The following PON1 variants were observed in gnomAD, a reference collection of about 807,000 sequenced individuals.
PON1 encodes the protein serum paraoxonase/arylesterase 1.
PON1 carries 37 observed loss-of-function variants against 39.2 expected under a neutral mutation model. The observed-to-expected ratio is 0.94, with a 90% CI of 0.73 to 1.24. The LOEUF is 1.24. Among genes scored for constraint, PON1 ranks in the 50% most tolerant of loss-of-function variants. The pLI is 0.00. For synonymous variants in PON1, 148 were observed against 152.2 expected (o/e 0.97, Z 0.21); for missense variants, 397 against 413.5 (o/e 0.96, Z 0.35).
At position 95,313,840 on chromosome 7, in the gene PON1, GA is replaced by G. The variant is rs1348464265; in HGVS notation, c.370+1481del. ...ACCCCTATTTGGGGATGTCCTCCTA[GA>G]AAGCAGGCAGTGTGACACTGGTTTG... On this transcript the variant is annotated intron_variant, in intron 4 of 8. Transcript: ENST00000222381. Among the ~76,000 whole-genome samples the G allele has an allele frequency of 2.6e-5, 4 of 152,234 alleles. No individual in the cohort carries two copies. In the East Asian group the frequency reaches 7.7e-4, roughly 29 times the overall value.
At chr7:95,314,815 CA>C (rs1167564072) in intron 4 of PON1, among the ~76,000 whole-genome samples, 1 of 151,996 alleles carries the variant, frequency 6.6e-6, no homozygotes, top group African/African-American at 2.4e-5. Flanking sequence ...AGGATGACAC[CA>C]AGTTATGTTG....
intron 8 of PON1, 106 bp from the exon 9 acceptor site, chr7:95,299,208 G>A: frequency 1.7e-6 from 2 of 1,208,202 alleles, no homozygotes; most frequent in Non-Finnish European, 2.4e-6. Context: ...CTTATACAAT[G>A]AGATAAATCC....
chr7:95,308,920 T>G (rs1807599243), intron 5 of PON1, among the ~76,000 whole-genome samples: 1 of 152,090 alleles, frequency 6.6e-6, no homozygotes, highest in South Asian at 2.1e-4. Context: ...GTAAGATATA[T>G]GAGTCTATTT....
In PON1 at chr7:95,318,307, C is replaced by A; in HGVS notation, c.145+16G>T. On this transcript the variant is annotated intron_variant, in intron 2 of 8. Coordinates refer to ENST00000222381, the MANE Select transcript of PON1 (RefSeq NM_000446.7). The stretch of plus-strand genomic sequence containing the variant: ...CGGAAGTTCAAATGAGACCCTTCTT[C>A]CTCTCACATACATACCGATTCCTTT... 1 of 1,582,354 alleles carries A rather than the reference C, an allele frequency of 6.3e-7. No homozygotes were observed. Among genetic ancestry groups the A allele is most frequent in the Non-Finnish European group, 8.7e-7 (1 of 1,151,254 alleles).
In PON1 at chr7:95,310,539, G is replaced by A. The variant is rs543403048; in HGVS notation, c.497+912C>T. Among the ~76,000 whole-genome samples the A allele has an allele frequency of 1.1e-3, 173 of 152,300 alleles. 1 individual carries two copies. Among genetic ancestry groups the A allele is most frequent in the Admixed American group, 2.2e-3 (33 of 15,296 alleles). On this transcript the variant is annotated intron_variant, in intron 5 of 8. Transcript: ENST00000222381. ...AGCTGGGGTTCCTACTTGGCCACTAGTGAGTTGATTGGCCTTCATCCAGTA... is the reference window on the plus strand; with the variant it reads ...AGCTGGGGTTCCTACTTGGCCACTAATGAGTTGATTGGCCTTCATCCAGTA...
intron 1 of PON1, among the ~76,000 whole-genome samples, chr7:95,321,078 T>C (rs942219286): frequency 2.0e-5 from 3 of 152,202 alleles, no homozygotes; most frequent in Admixed American, 6.5e-5. Context: ...AAGCCAGTAC[T>C]CACAGAGATC....
Position 95,315,345 on chromosome 7 carries a change from C to G in PON1, c.347G>C (p.Gly116Ala). Residue 116 changes from glycine (G) to alanine (A), a missense_variant, in exon 4 of 9, where the codon GGG (glycine) becomes GCG (alanine). Coordinates refer to ENST00000222381, the MANE Select transcript of PON1 (RefSeq NM_000446.7). Reference protein sequence around the residue: ...KFDVSSFNPHGISTFTDEDNA... With the variant: ...KFDVSSFNPHAISTFTDEDNA... ...ACCTTCATCTGTGAATGTGCTAATC[C>G]CATGAGGGTTAAATGAAGATACATC... 3 of 1,613,350 alleles carry G rather than the reference C, an allele frequency of 1.9e-6. No homozygotes were observed. The highest frequency in any genetic ancestry group is 1.7e-4 in the Middle Eastern group (1 of 6,046).
At position 95,298,818 on chromosome 7, in the gene PON1, A is replaced by G. The variant is rs551285779; in HGVS notation, c.*126T>C. 2.1e-5 allele frequency: 25 copies of G among 1,176,366 alleles called. No individual in the cohort carries two copies. Among genetic ancestry groups the G allele is most frequent in the Admixed American group, 7.3e-5 (4 of 54,450 alleles). 72.9% of individuals were successfully genotyped at this position (1,176,366 alleles called of 1,614,324 possible). On this transcript the variant is annotated 3_prime_UTR_variant, in exon 9 of 9. Coordinates refer to ENST00000222381, the MANE Select transcript of PON1 (RefSeq NM_000446.7). The stretch of plus-strand genomic sequence containing the variant: ...TCACTCCCAGTTAAACAGTGCTTTG[A>G]TGCTTCATGATGTCCACATTTAGGG...
chr7:95,306,715 G>A (rs1164286819), intron 6 of PON1, among the ~76,000 whole-genome samples: 1 of 152,188 alleles, frequency 6.6e-6, no homozygotes, highest in Non-Finnish European at 1.5e-5. Context: ...TCAGGGGCTA[G>A]TGAGTTCTCT....
intron 4 of PON1, among the ~76,000 whole-genome samples, 161 bp downstream of exon 4, chr7:95,315,161 A>G (rs1460697624): frequency 6.6e-6 from 1 of 152,242 alleles, no homozygotes; most frequent in Admixed American, 6.5e-5. Context: ...GTTTTACTAT[A>G]AAGTTCAATT....
At chr7:95,317,910 G>A (rs952172004) in intron 2 of PON1, among the ~76,000 whole-genome samples, 5 of 152,084 alleles carry the variant, frequency 3.3e-5, no homozygotes, top group Non-Finnish European at 7.4e-5. Flanking sequence ...AATATCAAAA[G>A]AGAGATGCAT....
chr7:95,315,126 T>G (rs1807736169), intron 4 of PON1, among the ~76,000 whole-genome samples, 196 bp downstream of exon 4: 1 of 152,226 alleles, frequency 6.6e-6, no homozygotes, highest in Non-Finnish European at 1.5e-5. Flanking sequence ...TCTTAAATAT[T>G]TTAGCATTCT....
rs922889885 is a variant in PON1, at chr7:95,306,512, G to A, written c.699-146C>T. ...ACCTCAAACACACCAAATTCTGAAA[G>A]AACTCAGTGAGTTTACAGTGACAGA... On this transcript the variant is annotated intron_variant, in intron 6 of 8. Coordinates refer to ENST00000222381, the MANE Select transcript of PON1 (RefSeq NM_000446.7). 2.2e-5 allele frequency: 15 copies of A among 691,986 alleles called. No homozygotes were observed. The African/African-American group carries it at 2.3e-4, about 11-fold the overall frequency. The allele number at this position is 691,986 out of a possible 1,614,324, so 42.9% of individuals were successfully genotyped here. A position where few individuals can be genotyped will look rare whatever the true frequency, so the allele number is the denominator to read the frequency against.
At chr7:95,313,781 G>A (rs900019492) in intron 4 of PON1, among the ~76,000 whole-genome samples, 1 of 152,086 alleles carries the variant, frequency 6.6e-6, no homozygotes, top group East Asian at 1.9e-4. Flanking sequence ...GGCATTAAAA[G>A]TGAAGGGCTA....
Position 95,318,397 on chromosome 7 carries a change from TGG to T in PON1, c.75-6_75-5del. On this transcript the variant is annotated splice_region_variant and splice_polypyrimidine_tract_variant and intron_variant, in intron 1 of 8. Transcript: ENST00000222381. The stretch of plus-strand genomic sequence containing the variant: ...TCGGAGAGCATTAAGTCGTGTTCTG[TGG>T]GGGAGAAAGAAATAAAACACACACA... 6.2e-7 allele frequency: 1 copy of T among 1,602,374 alleles called. No homozygotes were observed. The highest frequency in any genetic ancestry group is 8.6e-7 in the Non-Finnish European group (1 of 1,169,518).
intron 6 of PON1, among the ~76,000 whole-genome samples, chr7:95,307,169 T>G (rs1232204701): frequency 6.6e-6 from 1 of 151,804 alleles, no homozygotes; most frequent in African/African-American, 2.4e-5. Flanking sequence ...CAAGCAATTC[T>G]CCTGCCTGGC....
At chr7:95,311,183 A>AT (rs549477724) in intron 5 of PON1, among the ~76,000 whole-genome samples, 2 of 152,016 alleles carry the variant, frequency 1.3e-5, no homozygotes, top group South Asian at 4.2e-4. Flanking sequence ...GAAGAAGAGG[A>AT]TTTTTTTCCT....
intron 8 of PON1, 83 bp downstream of exon 8, chr7:95,302,122 C>CAAAAAAAAAAAAAAAAA (rs1491528427): frequency 2.7e-6 from 1 of 374,284 alleles, no homozygotes; most frequent in Non-Finnish European, 3.9e-6. Context: ...AAAAAAAAAA[C>CAAAAAAAAAAAAAAAAA]CAAGAATTGA....
At chr7:95,311,692 G>T in intron 4 of PON1, 115 bp from the exon 5 acceptor site, 1 of 1,120,036 alleles carries the variant, frequency 8.9e-7, no homozygotes, top group South Asian at 1.3e-5. Context: ...TCAGGCAGAT[G>T]GAATATTTTC....
Sources: gnomAD v4.1 joint callset for allele counts (sites outside exome capture counted in the v4.1 genomes callset) on GRCh38, gnomAD v4.1.1 for gene constraint, MANE v1.5 for transcripts, NCBI Gene and HGNC (gene_info 2026-07-23, HGNC 2026-07-21) for gene names.